The following NCKAP5 variants were observed in gnomAD, a reference collection of about 807,000 sequenced individuals.
NCKAP5 encodes nck-associated protein 5.
NCKAP5 carries 92 observed loss-of-function variants against 167.0 expected under a neutral mutation model. That is an observed-to-expected ratio of 0.55 (90% CI 0.47 to 0.66). NCKAP5 has a LOEUF of 0.66. NCKAP5 is among the 30% of genes least tolerant of loss of function. NCKAP5 has a pLI of 0.00. For missense variants in NCKAP5, 2,378 were observed against 2,315.0 expected (o/e 1.03, Z -0.56); for synonymous variants, 891 against 877.4 (o/e 1.02, Z -0.27).
the NCKAP5 span, among the ~76,000 whole-genome samples, chr2:133,646,707 C>T: frequency 6.6e-6 from 1 of 152,068 alleles, no homozygotes; most frequent in Non-Finnish European, 1.5e-5. Context: ...AATTATATTA[C>T]TTTAATGGTG....
At chr2:133,058,899 T>C (rs547110731) in intron 6 of NCKAP5, among the ~76,000 whole-genome samples, 1 of 152,300 alleles carries the variant, frequency 6.6e-6, no homozygotes, top group African/African-American at 2.4e-5. Flanking sequence ...ATTGATGAAT[T>C]TATTGAATTA....
At chr2:132,677,696 G>T (rs1160610644) in intron 19 of NCKAP5, among the ~76,000 whole-genome samples, 1 of 152,076 alleles carries the variant, frequency 6.6e-6, no homozygotes, top group African/African-American at 2.4e-5. Context: ...TCCCTTTGGG[G>T]ATTCTGTAGT....
At chr2:132,844,556 T>G (rs946391190) in intron 11 of NCKAP5, among the ~76,000 whole-genome samples, 1 of 152,224 alleles carries the variant, frequency 6.6e-6, no homozygotes, top group Non-Finnish European at 1.5e-5. Flanking sequence ...ATAACCTGTA[T>G]TGCTTTGCAA....
At chr2:133,586,713 C>T in the NCKAP5 span, among the ~76,000 whole-genome samples, 2 of 151,250 alleles carry the variant, frequency 1.3e-5, no homozygotes, top group East Asian at 3.9e-4. Context: ...ATCTGGGGTA[C>T]AATCATTGGC....
chr2:132,727,349 A>T (rs1258690086), intron 18 of NCKAP5, among the ~76,000 whole-genome samples: 1 of 151,998 alleles, frequency 6.6e-6, no homozygotes, highest in South Asian at 2.1e-4. Flanking sequence ...ACAGCTCTCA[A>T]TTTTCTCAAT....
intron 11 of NCKAP5, among the ~76,000 whole-genome samples, chr2:132,827,140 A>G: frequency 6.6e-6 from 1 of 152,152 alleles, no homozygotes; most frequent in Non-Finnish European, 1.5e-5. Context: ...AAAAATTACA[A>G]CTGCAACAGT....
chr2:132,893,707 T>C (rs891399255), intron 8 of NCKAP5, among the ~76,000 whole-genome samples: 1 of 152,094 alleles, frequency 6.6e-6, no homozygotes, highest in Admixed American at 6.5e-5. Context: ...TCATTACCAC[T>C]AGTGGGGAGA....
intron 1 of NCKAP5, among the ~76,000 whole-genome samples, chr2:133,563,701 G>A (rs1688344715): frequency 6.6e-6 from 1 of 152,160 alleles, no homozygotes; most frequent in African/African-American, 2.4e-5. Flanking sequence ...GTTTGAATGG[G>A]TGGAAGTATT....
At chr2:133,001,945 C>T (rs1465730437) in intron 6 of NCKAP5, among the ~76,000 whole-genome samples, 5 of 152,046 alleles carry the variant, frequency 3.3e-5, no homozygotes, top group Admixed American at 6.6e-5. Context: ...GAAGTGTAGG[C>T]GTCGTATTAG....
At chr2:132,767,607 C>T (rs963877703) in intron 16 of NCKAP5, among the ~76,000 whole-genome samples, 11 of 152,008 alleles carry the variant, frequency 7.2e-5, no homozygotes, top group South Asian at 2.1e-4. Context: ...AATATGTGGC[C>T]GAAAAAGGTA....
At chr2:133,421,341 A>G (rs762488909) in intron 3 of NCKAP5, among the ~76,000 whole-genome samples, 12 of 152,148 alleles carry the variant, frequency 7.9e-5, no homozygotes, top group Non-Finnish European at 1.8e-4. Context: ...CATGTCTCTA[A>G]TCATTAACAT....
intron 3 of NCKAP5, among the ~76,000 whole-genome samples, chr2:133,430,872 AGAAG>A (rs550064864): frequency 9.1e-4 from 138 of 151,946 alleles, no homozygotes; most frequent in African/African-American, 3.1e-3. Context: ...GTGGAGAGGG[AGAAG>A]GAAGGAGGAG....
intron 8 of NCKAP5, chr2:132,954,733 C>G (rs1033951805): frequency 6.7e-6 from 3 of 449,044 alleles, no homozygotes; most frequent in Admixed American, 4.8e-5. Context: ...AATATATATG[C>G]TGAAATGCCA....
At chr2:133,646,816 T>C in the NCKAP5 span, among the ~76,000 whole-genome samples, 2 of 152,162 alleles carry the variant, frequency 1.3e-5, no homozygotes, top group Admixed American at 1.3e-4. Flanking sequence ...AGTTATACAT[T>C]GTGACAACCA....
intron 4 of NCKAP5, among the ~76,000 whole-genome samples, chr2:133,234,837 G>GA (rs1172478776): frequency 4.0e-5 from 6 of 151,042 alleles, no homozygotes; most frequent in Non-Finnish European, 7.4e-5. Context: ...AAAGAACAAA[G>GA]AAAAAATACA....
At chr2:132,921,501 G>A (rs1695428883) in intron 8 of NCKAP5, among the ~76,000 whole-genome samples, 1 of 152,174 alleles carries the variant, frequency 6.6e-6, no homozygotes, top group Non-Finnish European at 1.5e-5. Context: ...ATATGCAGGT[G>A]GATAAGTAAA....
chr2:133,217,039 G>T (rs879861140), intron 4 of NCKAP5, among the ~76,000 whole-genome samples: 9 of 151,984 alleles, frequency 5.9e-5, no homozygotes, highest in Non-Finnish European at 1.2e-4. Context: ...TTCACCAACC[G>T]AAGATTCAGC....
At chr2:133,203,688 A>C (rs2085810171) in intron 5 of NCKAP5, among the ~76,000 whole-genome samples, 1 of 152,052 alleles carries the variant, frequency 6.6e-6, no homozygotes, top group Non-Finnish European at 1.5e-5. Context: ...ATTTACCTAA[A>C]TCTAAGTGTC....
At chr2:132,708,545 A>G (rs1286951702) in intron 19 of NCKAP5, among the ~76,000 whole-genome samples, 1 of 152,006 alleles carries the variant, frequency 6.6e-6, no homozygotes, top group Non-Finnish European at 1.5e-5. Context: ...AGTAGAAGAG[A>G]GCACCAGGCA....
Sources: allele counts gnomAD v4.1 joint callset (sites outside exome capture counted in the v4.1 genomes callset), GRCh38; gene constraint gnomAD v4.1.1; transcripts MANE v1.5; gene names NCBI Gene and HGNC (gene_info 2026-07-23, HGNC 2026-07-21).